Variants in DDC observed in about 807,000 individuals in gnomAD.
The protein encoded by DDC is dopa decarboxylase.
Under a neutral mutation model 60.0 loss-of-function variants are expected in DDC, and 43 were observed. The ratio of observed to expected loss-of-function variants is 0.72; its 90% confidence interval spans 0.56 to 0.92. The LOEUF (loss-of-function observed/expected upper bound fraction) is 0.92. Among genes scored for constraint, DDC ranks in the 40% least tolerant of loss-of-function variants. DDC has a pLI of 0.00. For missense variants in DDC, 573 were observed against 620.2 expected (o/e 0.92, Z 0.81); for synonymous variants, 232 against 234.6 (o/e 0.99, Z 0.10).
chr7:50,562,411 G>T (rs1045861515), intron 1 of DDC, among the ~76,000 whole-genome samples: 3 of 152,224 alleles, frequency 2.0e-5, no homozygotes, highest in African/African-American at 7.2e-5. Flanking sequence ...GGAGCCAGAA[G>T]CCAGCAGCAA....
chr7:50,533,676 G>A (rs2167363), intron 4 of DDC, among the ~76,000 whole-genome samples: 144,100 of 152,314 alleles, frequency 0.95, 68,291 homozygotes, highest in Non-Finnish European at 0.98. Context: ...ATATCGAAAG[G>A]AAGAGAGAAA....
chr7:50,524,508 C>T (rs2043985906), intron 6 of DDC, among the ~76,000 whole-genome samples: 1 of 152,012 alleles, frequency 6.6e-6, no homozygotes, highest in African/African-American at 2.4e-5. Flanking sequence ...AGAAAATGGG[C>T]AAAAGACATA....
At chr7:50,544,428 G>A (rs968558934) in intron 1 of DDC, among the ~76,000 whole-genome samples, 18 of 152,144 alleles carry the variant, frequency 1.2e-4, no homozygotes, top group African/African-American at 3.6e-4. Flanking sequence ...GACAAACACT[G>A]GTCCAAGTCC....
At chr7:50,517,880 C>A (rs114165494) in intron 6 of DDC, among the ~76,000 whole-genome samples, 1 of 144,908 alleles carries the variant, frequency 6.9e-6, no homozygotes, top group East Asian at 2.0e-4. Flanking sequence ...GAGTTGAAGA[C>A]CTCTACCAGG....
At chr7:50,495,513 C>T in intron 8 of DDC, 96 bp from the exon 9 acceptor site, 1 of 1,014,058 alleles carries the variant, frequency 9.9e-7, no homozygotes, top group Non-Finnish European at 1.5e-6. Context: ...GTTTATGGCA[C>T]AACTAATCCA....
At chr7:50,558,329 G>A (rs2045250061) in intron 1 of DDC, among the ~76,000 whole-genome samples, 1 of 152,122 alleles carries the variant, frequency 6.6e-6, no homozygotes, top group Non-Finnish European at 1.5e-5. Context: ...GTATGCTTTG[G>A]TACACTCTTT....
chr7:50,471,872 T>A (rs1326345970), intron 11 of DDC, among the ~76,000 whole-genome samples: 6 of 152,140 alleles, frequency 3.9e-5, no homozygotes, highest in African/African-American at 1.4e-4. Flanking sequence ...AAACGACGCT[T>A]CCCTGCCATG....
At chr7:50,468,007 T>G (rs188299780) in intron 12 of DDC, among the ~76,000 whole-genome samples, 13 of 152,380 alleles carry the variant, frequency 8.5e-5, no homozygotes, top group African/African-American at 2.9e-4. Flanking sequence ...TCAGAAGCTA[T>G]TCAGACAGCA....
At position 50,496,010 on chromosome 7, in the gene DDC, A is replaced by G. The variant is rs11575411; in HGVS notation, c.877-593T>C. 4.3e-4 allele frequency among the ~76,000 whole-genome samples: 65 copies of G among 152,294 alleles called. No homozygotes were observed. In the East Asian group the frequency reaches 9.5e-3, roughly 22 times the overall value. ...ATCTACAGTAGATAGGGGTAAACCC[A>G]GTTTTCATTTAATTGATGGGTTCTT... is the stretch of plus-strand genomic sequence containing the variant. On this transcript the variant is annotated intron_variant, in intron 8 of 14. Coordinates refer to ENST00000444124, the MANE Select transcript of DDC (RefSeq NM_001082971.2).
intron 1 of DDC, among the ~76,000 whole-genome samples, chr7:50,558,284 A>G (rs2045248765): frequency 6.6e-6 from 1 of 152,216 alleles, no homozygotes; most frequent in Non-Finnish European, 1.5e-5. Context: ...ACCGTCTATT[A>G]CAAACACAGG....
At chr7:50,465,679 T>A (rs11983757) in intron 13 of DDC, among the ~76,000 whole-genome samples, 7,948 of 152,324 alleles carry the variant, frequency 0.052, 477 homozygotes, top group African/African-American at 0.15. Context: ...GCCCAAATGT[T>A]AACTTTAAAT....
intron 9 of DDC, among the ~76,000 whole-genome samples, chr7:50,491,436 G>C (rs1162871721): frequency 1.3e-5 from 2 of 152,050 alleles, no homozygotes; most frequent in Non-Finnish European, 2.9e-5. Flanking sequence ...GAAATAAACT[G>C]TCTTAGTCAC....
At chr7:50,486,855 T>G (rs775435769) in intron 9 of DDC, among the ~76,000 whole-genome samples, 1 of 152,208 alleles carries the variant, frequency 6.6e-6, no homozygotes, top group Non-Finnish European at 1.5e-5. Flanking sequence ...AAAGGTTAAA[T>G]ATCTCCACTG....
In DDC at chr7:50,462,363, T is replaced by C. The variant is rs2042297404; in HGVS notation, c.*18+850A>G. On this transcript the variant is annotated intron_variant, in intron 14 of 14. Transcript: ENST00000444124. ...CCCACAAACATAATTTTAAATACCC[T>C]CCATGTTGCCAACACTGCATTTATT... Among the ~76,000 whole-genome samples the C allele has an allele frequency of 2.0e-5, 3 of 151,662 alleles. No individual in the cohort carries two copies. In the South Asian group the frequency reaches 6.3e-4, roughly 32 times the overall value.
intron 6 of DDC, 136 bp from the exon 7 acceptor site, chr7:50,504,195 A>G (rs749660880): frequency 1.4e-6 from 1 of 717,446 alleles, no homozygotes; most frequent in Admixed American, 2.0e-5. Flanking sequence ...GCTACATGGA[A>G]ACGTAAGCCC....
intron 3 of DDC, chr7:50,539,221 C>G (rs1362420469): frequency 1.3e-5 from 2 of 155,148 alleles, no homozygotes; most frequent in Non-Finnish European, 2.9e-5. Flanking sequence ...TTGAGGAACT[C>G]CCCAGGGTGC....
intron 9 of DDC, 130 bp downstream of exon 9, chr7:50,495,219 AG>A (rs2043102106): frequency 5.5e-6 from 4 of 728,208 alleles, no homozygotes; most frequent in Non-Finnish European, 1.0e-5. Context: ...AATTCCATCA[AG>A]GGTTCAGAAA....
intron 14 of DDC, among the ~76,000 whole-genome samples, chr7:50,462,226 C>CAAAAAAAAAAAAAAGAAA (rs2042290786): frequency 1.3e-5 from 1 of 75,380 alleles, no homozygotes; most frequent in Non-Finnish European, 2.4e-5. Context: ...GACAAAAAGA[C>CAAAAAAAAAAAAAAGAAA]AAAAAAAAAA....
chr7:50,528,112 G>A, intron 6 of DDC, 25 bp downstream of exon 6: 2 of 1,611,484 alleles, frequency 1.2e-6, no homozygotes, highest in Non-Finnish European at 8.5e-7. Flanking sequence ...TATTGGCCAG[G>A]AGCCACAAGT....
Sources: allele counts gnomAD v4.1 joint callset (sites outside exome capture counted in the v4.1 genomes callset), GRCh38; gene constraint gnomAD v4.1.1; transcripts MANE v1.5; gene names NCBI Gene and HGNC (gene_info 2026-07-23, HGNC 2026-07-21).